Variants in ACACA observed in about 807,000 individuals in gnomAD.
ACACA encodes acetyl-CoA carboxylase 1.
Under a neutral mutation model 296.1 loss-of-function variants are expected in ACACA, and 103 were observed. The observed-to-expected ratio is 0.35, with a 90% CI of 0.30 to 0.41. The LOEUF (loss-of-function observed/expected upper bound fraction) is 0.41. Among genes scored for constraint, ACACA ranks in the 10% least tolerant of loss-of-function variants. The pLI is 1.00. For missense variants in ACACA, 1,554 were observed against 2,989.7 expected, an observed-to-expected ratio of 0.52 and a Z score of 11.20; for synonymous variants, 953 against 1,038.6, an observed-to-expected ratio of 0.92 and a Z score of 1.58.
At chr17:37,087,666 CA>C (rs947053588) in intron 55 of ACACA, among the ~76,000 whole-genome samples, 8 of 151,576 alleles carry the variant, frequency 5.3e-5, no homozygotes, top group Non-Finnish European at 8.8e-5. Flanking sequence ...AAACAAAACC[CA>C]AAAAAAACCC....
chr17:37,144,084 A>G, intron 45 of ACACA: 2 of 762,394 alleles, frequency 2.6e-6, no homozygotes, highest in Non-Finnish European at 4.9e-6. Context: ...TTTCTCTTTC[A>G]TAATGGGTCT....
chr17:37,315,729 C>T (rs2047055970), intron 3 of ACACA, among the ~76,000 whole-genome samples: 3 of 152,154 alleles, frequency 2.0e-5, no homozygotes, highest in African/African-American at 4.8e-5. Context: ...GGAAGGGGCA[C>T]AGAACTTCCA....
At chr17:37,368,038 G>A (rs1040295002) in intron 1 of ACACA, among the ~76,000 whole-genome samples, 1 of 152,174 alleles carries the variant, frequency 6.6e-6, no homozygotes, top group African/African-American at 2.4e-5. Context: ...CTGCACTCCA[G>A]CCTGGGCAAG....
At chr17:37,230,294 G>A (rs960112595) in intron 25 of ACACA, among the ~76,000 whole-genome samples, 1 of 151,438 alleles carries the variant, frequency 6.6e-6, no homozygotes, top group Non-Finnish European at 1.5e-5. Flanking sequence ...TGAGGCAGGA[G>A]AATCGCTTGA....
intron 1 of ACACA, among the ~76,000 whole-genome samples, chr17:37,384,954 G>T (rs2050461650): frequency 6.6e-6 from 1 of 152,218 alleles, no homozygotes; most frequent in Admixed American, 6.5e-5. Context: ...ACTAAAAATA[G>T]AACAGAAACC....
intron 45 of ACACA, among the ~76,000 whole-genome samples, chr17:37,130,703 C>T (rs2075050571): frequency 6.6e-6 from 1 of 152,132 alleles, no homozygotes; most frequent in African/African-American, 2.4e-5. Context: ...TACTTCCACC[C>T]TCAGCTGAAA....
At position 37,149,991 on chromosome 17, in the gene ACACA, T is replaced by C; in HGVS notation, c.5569-17A>G. 6.2e-7 allele frequency: 1 copy of C among 1,608,156 alleles called. No homozygotes were observed. The highest frequency in any genetic ancestry group is 8.5e-7 in the Non-Finnish European group (1 of 1,174,596). Reference sequence around the variant, plus strand: ...GCACGTCACCTTAGAAAAGAATAAATTCTACATGTCACATATTTATGTCCT... The same window carrying C: ...GCACGTCACCTTAGAAAAGAATAAACTCTACATGTCACATATTTATGTCCT... On this transcript the variant is annotated splice_polypyrimidine_tract_variant and intron_variant, in intron 44 of 55. Coordinates refer to ENST00000616317, the MANE Select transcript of ACACA (RefSeq NM_198834.3).
intron 45 of ACACA, among the ~76,000 whole-genome samples, chr17:37,149,328 G>A (rs903110886): frequency 1.2e-4 from 19 of 152,078 alleles, no homozygotes; most frequent in African/African-American, 3.6e-4. Flanking sequence ...TGCCCTTTTC[G>A]AGAGGTGTAT....
In ACACA at chr17:37,226,339, C is replaced by G; in HGVS notation, c.3360G>C (p.Gln1120His). 1 of 1,611,978 alleles carries G rather than the reference C, an allele frequency of 6.2e-7. No individual in the cohort carries two copies. Among genetic ancestry groups the G allele is most frequent in the Non-Finnish European group, 8.5e-7 (1 of 1,178,026 alleles). Residue 1120 changes from glutamine (Q) to histidine (H), a missense_variant and splice_region_variant, in exon 26 of 56, where the codon CAG becomes CAC. Around this residue, in one of 16 missense-constraint regions of ACACA, gnomAD observed 42 missense variants for 147.5 expected, o/e 0.28. Coordinates refer to ENST00000616317, the MANE Select transcript of ACACA (RefSeq NM_198834.3). ...TNAKVALRAR[Q>H]VLIASHLPSY... ...TAAGAAAACCAACAAATGTCCTTACCTGGCGTGCTCGAAGTGCTACTTTGG... is the reference window on the plus strand; with the variant it reads ...TAAGAAAACCAACAAATGTCCTTACGTGGCGTGCTCGAAGTGCTACTTTGG...
At chr17:37,094,413 T>C (rs2142612835) in intron 54 of ACACA, among the ~76,000 whole-genome samples, 1 of 152,326 alleles carries the variant, frequency 6.6e-6, no homozygotes, top group South Asian at 2.1e-4. Flanking sequence ...ACACAAGGCA[T>C]AGCTAATAGA....
chr17:37,225,061 G>A lies in ACACA; in HGVS notation c.3405C>T (p.Asn1135=). 6.2e-7 allele frequency: 1 copy of A among 1,613,044 alleles called. No individual in the cohort carries two copies. Among genetic ancestry groups the A allele is most frequent in the Non-Finnish European group, 8.5e-7 (1 of 1,179,560 alleles). Residue 1135 remains asparagine, a synonymous_variant, in exon 27 of 56, where the codon AAC becomes AAT. Coordinates refer to ENST00000616317, the MANE Select transcript of ACACA (RefSeq NM_198834.3). ...SHLPSYELRH[N]QVESIFLSAI... ...CTGATAGGAAGATAGACTCTACTTGGTTATGGCGAAGCTCATATGATGGCA... is the reference window on the plus strand; with the variant it reads ...CTGATAGGAAGATAGACTCTACTTGATTATGGCGAAGCTCATATGATGGCA...
At chr17:37,105,812 C>T (rs1476618203) in intron 52 of ACACA, among the ~76,000 whole-genome samples, 2 of 149,926 alleles carry the variant, frequency 1.3e-5, no homozygotes, top group Non-Finnish European at 3.0e-5. Context: ...TGCAGTGAGC[C>T]GTGATCGTGC....
chr17:37,334,809 A>C (rs899541092), intron 2 of ACACA, among the ~76,000 whole-genome samples: 6 of 152,096 alleles, frequency 3.9e-5, no homozygotes, highest in African/African-American at 1.4e-4. Context: ...TGGAGAATGC[A>C]GCGTCCCGGA....
At chr17:37,332,820 G>A (rs2047945221) in intron 2 of ACACA, among the ~76,000 whole-genome samples, 1 of 150,300 alleles carries the variant, frequency 6.7e-6, no homozygotes, top group Admixed American at 6.7e-5. Context: ...TGAGGCAGAA[G>A]AATCACTTGA....
chr17:37,146,058 G>C (rs1349672237), intron 45 of ACACA, among the ~76,000 whole-genome samples: 1 of 152,056 alleles, frequency 6.6e-6, no homozygotes, highest in Non-Finnish European at 1.5e-5. Flanking sequence ...AAACATGTAA[G>C]TATACAGAAA....
In ACACA at chr17:37,181,343, G is replaced by A; in HGVS notation, c.4790C>T (p.Ala1597Val). 1 of 1,613,968 alleles carries A rather than the reference G, an allele frequency of 6.2e-7. No homozygotes were observed. Among genetic ancestry groups the A allele is most frequent in the Non-Finnish European group, 8.5e-7 (1 of 1,180,002 alleles). Residue 1597 changes from alanine (A) to valine (V), a missense_variant, in exon 40 of 56, where the codon GCA becomes GTA. This residue lies in a region of ACACA where 553 missense variants were observed against 1,043.6 expected (regional missense o/e 0.53). Transcript: ENST00000616317. ...CAGTGGTCCCTGTTTGTCTCCATAT[G>A]CCTGAAACATGATCTGCAGGAAAAA... The part of the protein sequence containing the change: ...DSRTAQIMFQ[A>V]YGDKQGPLHG...
intron 39 of ACACA, among the ~76,000 whole-genome samples, chr17:37,184,060 C>T (rs1014879411): frequency 1.3e-5 from 2 of 152,064 alleles, no homozygotes; most frequent in African/African-American, 4.8e-5. Flanking sequence ...CCATATTGGT[C>T]AGACTGGTCT....
chr17:37,204,111 C>A (rs898424711), intron 33 of ACACA, among the ~76,000 whole-genome samples: 21 of 152,248 alleles, frequency 1.4e-4, no homozygotes, highest in Admixed American at 1.3e-3. Flanking sequence ...TTGAAAACAT[C>A]TACTGAGTTC....
At chr17:37,145,980 C>T (rs563482274) in intron 45 of ACACA, among the ~76,000 whole-genome samples, 19 of 151,986 alleles carry the variant, frequency 1.3e-4, no homozygotes, top group Non-Finnish European at 2.5e-4. Flanking sequence ...GATAAAAATA[C>T]GAAGGTGGGA....
Sources: gnomAD v4.1 joint callset for allele counts (sites outside exome capture counted in the v4.1 genomes callset) on GRCh38, gnomAD v4.1.1 for gene constraint, gnomAD v4.1.1 regional missense constraint, MANE v1.5 for transcripts, NCBI Gene and HGNC (gene_info 2026-07-23, HGNC 2026-07-21) for gene names.